ANKH: variants seen among roughly 807,000 people sequenced by gnomAD.
ANKH encodes the protein ANKH inorganic pyrophosphate transport regulator.
Under a neutral mutation model 49.0 loss-of-function variants are expected in ANKH, and 15 were observed. The ratio of observed to expected loss-of-function variants is 0.31; its 90% CI spans 0.20 to 0.47. The LOEUF is 0.47. Ranked by LOEUF, ANKH falls within the 20% of genes least tolerant of loss-of-function variation. The probability of loss-of-function intolerance (pLI) is 1.00; values close to 1 mark genes in which losing one functional copy is unlikely to be tolerated. For missense variants in ANKH, 429 were observed against 652.0 expected (o/e 0.66, Z 3.72); for synonymous variants, 273 against 260.0 (o/e 1.05, Z -0.48).
chr5:14,738,256 C>T (rs987531792), intron 8 of ANKH, among the ~76,000 whole-genome samples: 2 of 152,116 alleles, frequency 1.3e-5, no homozygotes, highest in Non-Finnish European at 2.9e-5. Context: ...AGTGACACCG[C>T]GGTATTTTTC....
chr5:14,840,909 G>A (rs770261842), intron 1 of ANKH, among the ~76,000 whole-genome samples: 11 of 152,146 alleles, frequency 7.2e-5, no homozygotes, highest in Non-Finnish European at 1.6e-4. Flanking sequence ...TCTGAGTGGC[G>A]CCTCAGACAA....
intron 5 of ANKH, among the ~76,000 whole-genome samples, chr5:14,750,730 G>A (rs545637119): frequency 6.6e-6 from 1 of 152,264 alleles, no homozygotes; most frequent in South Asian, 2.1e-4. Context: ...CAAAGGTATC[G>A]TGGGTCCTAA....
chr5:14,798,044 G>A, intron 1 of ANKH: 1 of 1,584,504 alleles, frequency 6.3e-7, no homozygotes, highest in South Asian at 1.1e-5. Context: ...GGTTGATCTT[G>A]ATTTCTATTT....
intron 1 of ANKH, among the ~76,000 whole-genome samples, chr5:14,784,913 GA>G (rs5866115): frequency 0.45 from 68,762 of 151,922 alleles, 15,880 homozygotes; most frequent in East Asian, 0.73. Flanking sequence ...ACTCTGGACA[GA>G]GGAATATTTG....
chr5:14,726,703 T>C (rs78000115), intron 8 of ANKH, among the ~76,000 whole-genome samples: 2,666 of 152,084 alleles, frequency 0.018, 85 homozygotes, highest in African/African-American at 0.062. Flanking sequence ...TGGAATGACA[T>C]GGAATTCCAT....
intron 8 of ANKH, among the ~76,000 whole-genome samples, chr5:14,728,495 GC>G (rs2126441759): frequency 6.6e-6 from 1 of 152,204 alleles, no homozygotes; most frequent in East Asian, 1.9e-4. Flanking sequence ...TTCCAGTGGA[GC>G]CGGGAACAAT....
intron 1 of ANKH, among the ~76,000 whole-genome samples, chr5:14,774,776 G>C (rs1056459748): frequency 6.6e-6 from 1 of 152,144 alleles, no homozygotes; most frequent in African/African-American, 2.4e-5. Context: ...CCAGGAAGCA[G>C]AGACCTTTGT....
intron 1 of ANKH, among the ~76,000 whole-genome samples, chr5:14,835,844 T>G (rs1312610649): frequency 6.6e-6 from 1 of 152,156 alleles, no homozygotes; most frequent in Non-Finnish European, 1.5e-5. Context: ...ATATCCCTGA[T>G]GAACATCAAT....
At chr5:14,758,416 T>C in intron 3 of ANKH, 64 bp downstream of exon 3, 1 of 1,237,446 alleles carries the variant, frequency 8.1e-7, no homozygotes, top group Non-Finnish European at 1.2e-6. Context: ...GTAGATTTTA[T>C]ATTATGTATA....
intron 1 of ANKH, among the ~76,000 whole-genome samples, chr5:14,811,982 T>C (rs984740719): frequency 6.6e-6 from 1 of 152,090 alleles, no homozygotes; most frequent in Non-Finnish European, 1.5e-5. Context: ...ATGTAGAAAA[T>C]AATCTATCGT....
chr5:14,789,467 A>AAC (rs1421747374), intron 1 of ANKH, among the ~76,000 whole-genome samples: 2 of 152,038 alleles, frequency 1.3e-5, no homozygotes, highest in East Asian at 3.8e-4. Context: ...AAAAAAAAAA[A>AAC]AAAAGCTAAG....
chr5:14,793,080 AATATAT>A (rs201879511), intron 1 of ANKH, among the ~76,000 whole-genome samples: 29 of 115,570 alleles, frequency 2.5e-4, no homozygotes, highest in East Asian at 6.8e-4. Context: ...AATATATAAA[AATATAT>A]ATATAAATAT....
intron 1 of ANKH, among the ~76,000 whole-genome samples, chr5:14,809,558 C>A (rs539457499): frequency 2.4e-4 from 36 of 152,158 alleles, no homozygotes; most frequent in African/African-American, 8.7e-4. Context: ...CTGTCTCAAT[C>A]AGTCAATCAA....
intron 1 of ANKH, among the ~76,000 whole-genome samples, chr5:14,866,865 T>C (rs1241144886): frequency 6.6e-6 from 1 of 152,128 alleles, no homozygotes; most frequent in Non-Finnish European, 1.5e-5. Flanking sequence ...CCTACATCTG[T>C]TGAGTTTTTA....
chr5:14,753,396 G>T (rs1028570403), intron 4 of ANKH, among the ~76,000 whole-genome samples: 25 of 152,216 alleles, frequency 1.6e-4, no homozygotes, highest in Non-Finnish European at 2.6e-4. Flanking sequence ...ACATAAGGTT[G>T]GTTCAGAGGA....
At chr5:14,769,703 A>G (rs1739374158) in intron 1 of ANKH, among the ~76,000 whole-genome samples, 1 of 152,048 alleles carries the variant, frequency 6.6e-6, no homozygotes, top group South Asian at 2.1e-4. Context: ...TTCATAGCAG[A>G]GCTCTATGCT....
At chr5:14,809,335 T>TA (rs36119317) in intron 1 of ANKH, among the ~76,000 whole-genome samples, 2,206 of 80,680 alleles carry the variant, frequency 0.027, 40 homozygotes, top group African/African-American at 0.044. Context: ...TAGAGTATAA[T>TA]AAAAAAAAAA....
At chr5:14,793,021 A>AATATAT (rs1161157269) in intron 1 of ANKH, among the ~76,000 whole-genome samples, 1 of 68,360 alleles carries the variant, frequency 1.5e-5, no homozygotes, top group Non-Finnish European at 2.8e-5. Context: ...TATATATATA[A>AATATAT]ATATATATAT....
At chr5:14,857,711 T>A (rs968603252) in intron 1 of ANKH, among the ~76,000 whole-genome samples, 1 of 152,068 alleles carries the variant, frequency 6.6e-6, no homozygotes, top group African/African-American at 2.4e-5. Context: ...ACAATACTTT[T>A]AATAAAACAA....
Sources: allele counts gnomAD v4.1 joint callset (sites outside exome capture counted in the v4.1 genomes callset), GRCh38; gene constraint gnomAD v4.1.1; transcripts MANE v1.5; gene names NCBI Gene and HGNC (gene_info 2026-07-23, HGNC 2026-07-21).